The following DLC1 variants were observed in gnomAD, a reference collection of about 807,000 sequenced individuals.
DLC1 encodes the protein rho GTPase-activating protein 7.
A neutral mutation model predicts 140.3 loss-of-function variants in DLC1; 54 were observed. The observed-to-expected ratio is 0.38, with a 90% CI of 0.31 to 0.48. The LOEUF (loss-of-function observed/expected upper bound fraction) is 0.48. Among genes scored for constraint, DLC1 ranks in the 20% least tolerant of loss-of-function variants. DLC1 has a pLI of 0.96. For missense variants in DLC1, 2,536 were observed against 1,907.0 expected (o/e 1.33, Z -6.14); for synonymous variants, 986 against 728.1 (o/e 1.35, Z -5.70).
At position 13,182,831 on chromosome 8, in the gene DLC1, A is replaced by T. The variant is rs930792942; in HGVS notation, c.1349-67174T>A. Among the ~76,000 whole-genome samples, 6 of 152,304 alleles carry T rather than the reference A, an allele frequency of 3.9e-5. 1 individual carries two copies. The highest frequency in any genetic ancestry group is 2.6e-4 in the Admixed American group (4 of 15,294). On this transcript the variant is annotated intron_variant, in intron 5 of 17. Coordinates refer to ENST00000276297, the MANE Select transcript of DLC1 (RefSeq NM_182643.3). ...TCTTTTTTGGTTCCATGAACTTTAAAGTAGTTTTTTCCAATTCTGTGAAGA... is the reference window on the plus strand; with the variant it reads ...TCTTTTTTGGTTCCATGAACTTTAATGTAGTTTTTTCCAATTCTGTGAAGA...
intron 5 of DLC1, among the ~76,000 whole-genome samples, chr8:13,153,073 C>T (rs557820175): frequency 5.8e-4 from 88 of 152,194 alleles, no homozygotes; most frequent in African/African-American, 2.0e-3. Flanking sequence ...TCATACTGTG[C>T]CTGGAATTGG....
At chr8:13,110,163 C>T (rs1819956896) in intron 7 of DLC1, among the ~76,000 whole-genome samples, 1 of 151,786 alleles carries the variant, frequency 6.6e-6, no homozygotes, top group South Asian at 2.1e-4. Flanking sequence ...CTCACTAAAA[C>T]CTATAAGCTG....
chr8:13,138,243 A>G (rs1422359748), intron 5 of DLC1, among the ~76,000 whole-genome samples: 1 of 152,222 alleles, frequency 6.6e-6, no homozygotes, highest in East Asian at 1.9e-4. Context: ...CTCTGAGAAG[A>G]CAGCCATCAT....
chr8:13,488,342 T>C (rs116942098), intron 2 of DLC1, among the ~76,000 whole-genome samples: 2,632 of 152,322 alleles, frequency 0.017, 34 homozygotes, highest in Non-Finnish European at 0.028. Context: ...TTAGCTTTTT[T>C]ATTAATTAAT....
At position 13,361,860 on chromosome 8, in the gene DLC1, T is replaced by C. The variant is rs148835038; in HGVS notation, c.1314+31693A>G. ...TAGTACATATATCAATAATCTTCTA[T>C]AAGTAAGTCATGACATTAGGTGCTG... On this transcript the variant is annotated intron_variant, in intron 4 of 17. Transcript: ENST00000276297. Among the ~76,000 whole-genome samples, 135 of 152,312 alleles carry C rather than the reference T, an allele frequency of 8.9e-4. 1 individual carries two copies. Among genetic ancestry groups the C allele is most frequent in the Non-Finnish European group, 1.6e-3 (109 of 68,022 alleles).
chr8:13,155,070 T>C, intron 5 of DLC1, among the ~76,000 whole-genome samples: 1 of 152,112 alleles, frequency 6.6e-6, no homozygotes, highest in Admixed American at 6.5e-5. Context: ...CGTATATACT[T>C]GTATTTAAAC....
chr8:13,399,692 A>C (rs1332065026), intron 3 of DLC1, among the ~76,000 whole-genome samples: 1 of 152,208 alleles, frequency 6.6e-6, no homozygotes, highest in Non-Finnish European at 1.5e-5. Flanking sequence ...CCAATCTATA[A>C]GGTTTTATCT....
rs529465713 is a variant in DLC1 at position 13,252,150 on chromosome 8, GATTAA to G, written c.1348+53114_1348+53118del. ...TTGAACTTGTCCTAAGTAACATTTT[GATTAA>G]ATTAAATAAAAAGTCCTTGATTAAA... On this transcript the variant is annotated intron_variant, in intron 5 of 17. Transcript: ENST00000276297. Among the ~76,000 whole-genome samples the G allele has an allele frequency of 4.1e-4, 63 of 152,172 alleles. No individual in the cohort carries two copies. The South Asian group carries it at 4.4e-3, about 11-fold the overall frequency.
intron 3 of DLC1, among the ~76,000 whole-genome samples, chr8:13,398,396 A>G (rs1586275884): frequency 6.6e-6 from 1 of 152,102 alleles, no homozygotes; most frequent in Non-Finnish European, 1.5e-5. Context: ...GTGGTGAGAG[A>G]CTGCACTGGC....
chr8:13,158,744 C>A (rs1351716847), intron 5 of DLC1, among the ~76,000 whole-genome samples: 3 of 94,382 alleles, frequency 3.2e-5, no homozygotes, highest in African/African-American at 1.6e-4. Context: ...CCCCCCCCCC[C>A]CCCGCCCGCC....
chr8:13,438,320 TGCTTA>T (rs1839213934), intron 2 of DLC1, among the ~76,000 whole-genome samples: 1 of 152,202 alleles, frequency 6.6e-6, no homozygotes, highest in Non-Finnish European at 1.5e-5. Context: ...GATGGACAGG[TGCTTA>T]ATCAATAGTA....
chr8:13,579,355 A>T lies in DLC1; in HGVS notation c.-126+25182T>A, dbSNP rs56821405. 8.0e-3 allele frequency among the ~76,000 whole-genome samples: 202 copies of T among 25,276 alleles called. 51 individuals are homozygous for T. Among genetic ancestry groups the T allele is most frequent in the African/African-American group, 0.031 (168 of 5,386 alleles). 16.6% of individuals were successfully genotyped at this position (25,276 alleles called of 152,430 possible). A position where few individuals can be genotyped will look rare whatever the true frequency, so the allele number is the denominator to read the frequency against. On this transcript the variant is annotated intron_variant, in intron 1 of 1. Coordinates refer to the DLC1 transcript ENST00000631382. ...TATATATATATATATATATATATAT[A>T]TATATATTTTTATATAATACATATT...
chr8:13,422,900 A>G (rs1174297566), intron 2 of DLC1, among the ~76,000 whole-genome samples: 1 of 152,170 alleles, frequency 6.6e-6, no homozygotes, highest in African/African-American at 2.4e-5. Flanking sequence ...TCAGCTTCAT[A>G]GAGAAGACAA....
chr8:13,185,125 T>C (rs1356722277), intron 5 of DLC1, among the ~76,000 whole-genome samples: 1 of 146,630 alleles, frequency 6.8e-6, no homozygotes, highest in Non-Finnish European at 1.5e-5. Flanking sequence ...ACCCCTGCTT[T>C]TTTTTTTTTT....
chr8:13,281,183 C>T (rs1296800236), intron 5 of DLC1, among the ~76,000 whole-genome samples: 3 of 152,180 alleles, frequency 2.0e-5, no homozygotes, highest in African/African-American at 7.2e-5. Flanking sequence ...ATATAATCAT[C>T]TTTAGTGCAT....
rs1585318039 is a variant in DLC1, at chr8:13,598,788, A to T, written c.-126+5749T>A. ...CAAAGCAACTCCAAGTCAACTCCCT[A>T]GTACATATTGTTACACCAACTCTGC... On this transcript the variant is annotated intron_variant, in intron 1 of 1. Transcript: ENST00000631382. Among the ~76,000 whole-genome samples, 4 of 152,188 alleles carry T rather than the reference A, an allele frequency of 2.6e-5. No individual in the cohort carries two copies. The South Asian group carries it at 8.3e-4, about 31-fold the overall frequency.
At chr8:13,433,478 T>G (rs1585099575) in intron 2 of DLC1, among the ~76,000 whole-genome samples, 1 of 152,338 alleles carries the variant, frequency 6.6e-6, no homozygotes, top group South Asian at 2.1e-4. Flanking sequence ...TGTAAAAAGT[T>G]AACAACCAAG....
chr8:13,350,259 C>G (rs897063448), intron 4 of DLC1, among the ~76,000 whole-genome samples: 1 of 152,076 alleles, frequency 6.6e-6, no homozygotes, highest in Non-Finnish European at 1.5e-5. Flanking sequence ...ACTCCCTTAT[C>G]TCGATATCAT....
chr8:13,560,852 A>G (rs1804216831), intron 1 of DLC1, among the ~76,000 whole-genome samples: 1 of 152,270 alleles, frequency 6.6e-6, no homozygotes, highest in East Asian at 1.9e-4. Context: ...GCCATCTACC[A>G]GTCAAGGAGA....
Sources: gnomAD v4.1 joint callset for allele counts (sites outside exome capture counted in the v4.1 genomes callset) on GRCh38, gnomAD v4.1.1 for gene constraint, MANE v1.5 for transcripts, NCBI Gene and HGNC (gene_info 2026-07-23, HGNC 2026-07-21) for gene names.